The following ARHGEF4 variants were observed in gnomAD, a reference collection of about 807,000 sequenced individuals.
ARHGEF4 encodes the protein APC-stimulated guanine nucleotide exchange factor 1.
In ARHGEF4, 119 loss-of-function variants were observed where a neutral mutation model predicts 162.0. The observed-to-expected ratio is 0.73, with a 90% CI of 0.63 to 0.86. The LOEUF (loss-of-function observed/expected upper bound fraction) is 0.86. Ranked by LOEUF, ARHGEF4 falls within the 40% of genes least tolerant of loss-of-function variation. The pLI is 0.00. For synonymous variants in ARHGEF4, 1,014 were observed against 979.9 expected (o/e 1.03, Z -0.65); for missense variants, 2,488 against 2,456.0 (o/e 1.01, Z -0.28).
intron 4 of ARHGEF4, among the ~76,000 whole-genome samples, chr2:130,979,863 G>C (rs1325523932): frequency 2.6e-5 from 4 of 151,704 alleles, no homozygotes; most frequent in African/African-American, 9.7e-5. Context: ...CATTCAGGTA[G>C]CGAAAATTAT....
intron 3 of ARHGEF4, among the ~76,000 whole-genome samples, chr2:130,934,920 T>A (rs1682846789): frequency 6.6e-6 from 1 of 152,212 alleles, no homozygotes; most frequent in Non-Finnish European, 1.5e-5. Context: ...CATTATCTAA[T>A]CTGTTGATAT....
chr2:130,988,893 TATATATATAGAGAGAG>T (rs1472283596), intron 4 of ARHGEF4, among the ~76,000 whole-genome samples: 102 of 113,246 alleles, frequency 9.0e-4, no homozygotes, highest in Middle Eastern at 4.7e-3. Context: ...TATATATATA[TATATATATAGAGAGAG>T]AGAGAGAGAG....
chr2:130,883,968 A>T (rs1224073669), intron 1 of ARHGEF4, among the ~76,000 whole-genome samples: 1 of 152,142 alleles, frequency 6.6e-6, no homozygotes, highest in Non-Finnish European at 1.5e-5. Flanking sequence ...TGTAAAGTTC[A>T]TGGAATAATG....
chr2:130,911,532 A>G (rs1681184477), intron 1 of ARHGEF4, among the ~76,000 whole-genome samples: 1 of 152,342 alleles, frequency 6.6e-6, no homozygotes, highest in Non-Finnish European at 1.5e-5. Flanking sequence ...TCTTTATAAG[A>G]TTAGAATCCA....
chr2:130,877,104 C>T (rs1338478553), intron 1 of ARHGEF4, among the ~76,000 whole-genome samples: 3 of 152,190 alleles, frequency 2.0e-5, no homozygotes, highest in Admixed American at 2.0e-4. Flanking sequence ...CCAACCCGCT[C>T]TCCGTGCATG....
At position 130,914,655 on chromosome 2, in the gene ARHGEF4, C is replaced by A. The variant is rs180741448; in HGVS notation, c.709C>A (p.Leu237Met). Residue 237 changes from leucine (L) to methionine (M), a missense_variant, in exon 2 of 14, where the codon CTG (leucine) becomes ATG (methionine). Coordinates refer to ENST00000409359, the MANE Select transcript of ARHGEF4 (RefSeq NM_001367493.1). ...GCCCTTCCTTCTCTGGTGCTGTGAA[C>A]TGGGTCGGAGTTGGCCACATATCCA... ...VWPFLLWCCE[L>M]GRSWPHIHNR... The A allele has an allele frequency of 5.8e-6, 8 of 1,389,194 alleles. No homozygotes were observed. The East Asian group carries it at 2.1e-4, about 36-fold the overall frequency. 86.1% of individuals were successfully genotyped at this position (1,389,194 alleles called of 1,614,324 possible).
chr2:130,883,401 A>C (rs1339398116), intron 1 of ARHGEF4, among the ~76,000 whole-genome samples: 1 of 152,078 alleles, frequency 6.6e-6, no homozygotes, highest in Non-Finnish European at 1.5e-5. Flanking sequence ...CAGTGTGCTC[A>C]CCGTTCCCTG....
chr2:130,916,757 T>A lies in ARHGEF4; in HGVS notation c.2811T>A (p.Ser937=). Residue 937 remains serine, a synonymous_variant, in exon 2 of 14, where the codon TCT becomes TCA. Transcript: ENST00000409359. ...ACACCCATGAACGTTCCCCAAGTTC[T>A]CCCAAGGGCGAGAAGGAGAAGAGCA... ...KENTHERSPS[S]PKGEKEKSRL... is the part of the protein sequence containing the mutation. The A allele has an allele frequency of 6.4e-7, 1 of 1,550,594 alleles. No individual in the cohort carries two copies. The highest frequency in any genetic ancestry group is 1.4e-5 in the African/African-American group (1 of 73,136).
At chr2:130,922,340 C>A (rs1486703854) in intron 2 of ARHGEF4, among the ~76,000 whole-genome samples, 1 of 151,334 alleles carries the variant, frequency 6.6e-6, no homozygotes, top group East Asian at 2.0e-4. Context: ...CGTTGCACTC[C>A]AGCCTGGGCA....
At chr2:131,000,672 G>A (rs1687702045) in intron 4 of ARHGEF4, among the ~76,000 whole-genome samples, 1 of 152,022 alleles carries the variant, frequency 6.6e-6, no homozygotes, top group South Asian at 2.1e-4. Context: ...TACATTTTTA[G>A]GAGTTGACGT....
chr2:130,978,274 G>T (rs1685885282), intron 4 of ARHGEF4, among the ~76,000 whole-genome samples: 1 of 152,058 alleles, frequency 6.6e-6, no homozygotes, highest in African/African-American at 2.4e-5. Context: ...GGGGTGTCGT[G>T]GGCAGCTCCA....
intron 3 of ARHGEF4, among the ~76,000 whole-genome samples, chr2:130,932,247 A>C (rs140897920): frequency 1.4e-4 from 21 of 152,198 alleles, no homozygotes; most frequent in South Asian, 1.0e-3. Flanking sequence ...TGTATGGCTA[A>C]GTAACATTTC....
chr2:131,011,969 G>C, intron 4 of ARHGEF4: 3 of 696,286 alleles, frequency 4.3e-6, no homozygotes, highest in Non-Finnish European at 7.9e-6. Context: ...GGTAGGGCTA[G>C]CTGATGGACT....
intron 4 of ARHGEF4, among the ~76,000 whole-genome samples, chr2:130,951,584 G>A (rs1264717212): frequency 6.6e-6 from 1 of 152,040 alleles, no homozygotes; most frequent in East Asian, 1.9e-4. Flanking sequence ...TGTTTTCCCT[G>A]TCTCATCTTT....
intron 4 of ARHGEF4, among the ~76,000 whole-genome samples, chr2:130,993,482 C>A (rs1687182756): frequency 6.6e-6 from 1 of 152,040 alleles, no homozygotes; most frequent in African/African-American, 2.4e-5. Flanking sequence ...TCATTTAGGT[C>A]AAATCTCTCT....
At chr2:130,986,215 G>A (rs1214275969) in intron 4 of ARHGEF4, among the ~76,000 whole-genome samples, 2 of 152,212 alleles carry the variant, frequency 1.3e-5, no homozygotes. Flanking sequence ...TTGCATGTGT[G>A]CATCGTGTGT....
At chr2:130,905,242 T>C (rs1211671749) in intron 1 of ARHGEF4, among the ~76,000 whole-genome samples, 2 of 152,240 alleles carry the variant, frequency 1.3e-5, no homozygotes, top group Non-Finnish European at 2.9e-5. Context: ...GGCTGTTTAA[T>C]TTTCCATTTT....
At chr2:130,912,174 C>T (rs1222966438) in intron 1 of ARHGEF4, among the ~76,000 whole-genome samples, 2 of 152,196 alleles carry the variant, frequency 1.3e-5, no homozygotes, top group African/African-American at 4.8e-5. Flanking sequence ...TGTGCTTGTC[C>T]GGGCGTGCTC....
intron 1 of ARHGEF4, among the ~76,000 whole-genome samples, chr2:130,848,564 C>T (rs1318087754): frequency 6.6e-6 from 1 of 152,146 alleles, no homozygotes; most frequent in African/African-American, 2.4e-5. Flanking sequence ...ATTCCCAGGG[C>T]CCAGGGACCA....
Sources: allele counts gnomAD v4.1 joint callset (sites outside exome capture counted in the v4.1 genomes callset), GRCh38; gene constraint gnomAD v4.1.1; transcripts MANE v1.5; gene names NCBI Gene and HGNC (gene_info 2026-07-23, HGNC 2026-07-21).